EIF2B3: variants seen among roughly 807,000 people sequenced by gnomAD.
EIF2B3 encodes eukaryotic translation initiation factor 2B subunit gamma.
Under a neutral mutation model 54.1 loss-of-function variants are expected in EIF2B3, and 20 were observed. The observed-to-expected ratio is 0.37, with a 90% CI of 0.26 to 0.54. The LOEUF is 0.54. Ranked by LOEUF, EIF2B3 falls within the 20% of genes least tolerant of loss-of-function variation. The pLI is 0.86. For synonymous variants in EIF2B3, 153 were observed against 188.1 expected, an observed-to-expected ratio of 0.81 and a Z score of 1.52; for missense variants, 448 against 547.8, an observed-to-expected ratio of 0.82 and a Z score of 1.82.
chr1:44,916,375 C>T (rs1643622312), intron 5 of EIF2B3, among the ~76,000 whole-genome samples: 1 of 151,748 alleles, frequency 6.6e-6, no homozygotes, highest in Admixed American at 6.6e-5. Flanking sequence ...GGATACACCA[C>T]CATGCTTGGT....
intron 3 of EIF2B3, among the ~76,000 whole-genome samples, chr1:44,957,060 C>G (rs922300263): frequency 5.9e-5 from 9 of 151,930 alleles, no homozygotes; most frequent in African/African-American, 2.2e-4. Context: ...CTCATGAGTT[C>G]GAGACTAGCT....
chr1:44,935,761 A>G (rs2148937745), intron 4 of EIF2B3, among the ~76,000 whole-genome samples: 1 of 152,318 alleles, frequency 6.6e-6, no homozygotes, highest in East Asian at 1.9e-4. Flanking sequence ...TTGGCCTCCC[A>G]AACTGCTGGG....
chr1:44,899,993 T>C (rs1284908725), intron 5 of EIF2B3, among the ~76,000 whole-genome samples: 1 of 152,230 alleles, frequency 6.6e-6, no homozygotes, highest in Non-Finnish European at 1.5e-5. Context: ...CATGAAATAC[T>C]ATGCAGCTAT....
chr1:44,959,157 A>G, intron 3 of EIF2B3: 1 of 724,616 alleles, frequency 1.4e-6, no homozygotes, highest in Admixed American at 2.1e-5. Context: ...CTACGATTGC[A>G]CAGTCTGGTG....
chr1:44,955,404 T>C (rs368609918), intron 3 of EIF2B3, among the ~76,000 whole-genome samples: 1 of 151,968 alleles, frequency 6.6e-6, no homozygotes, highest in Admixed American at 6.6e-5. Flanking sequence ...CCCAAAACCA[T>C]AAAAACCCTA....
intron 10 of EIF2B3, among the ~76,000 whole-genome samples, chr1:44,868,669 A>C (rs892608951): frequency 1.6e-4 from 25 of 152,072 alleles, no homozygotes; most frequent in Non-Finnish European, 3.4e-4. Flanking sequence ...AAAGGTTGCT[A>C]ATTAGAGCAT....
At chr1:44,974,250 G>T (rs75826838) in intron 3 of EIF2B3, among the ~76,000 whole-genome samples, 6,212 of 151,700 alleles carry the variant, frequency 0.041, 173 homozygotes, top group Middle Eastern at 0.069. Context: ...AAGGTTGGGG[G>T]TATCACTTCT....
intron 3 of EIF2B3, among the ~76,000 whole-genome samples, chr1:44,973,542 A>G (rs1014609698): frequency 6.6e-6 from 1 of 152,176 alleles, no homozygotes; most frequent in African/African-American, 2.4e-5. Flanking sequence ...TACTAAAAAT[A>G]CAAAAACTAG....
intron 4 of EIF2B3, among the ~76,000 whole-genome samples, chr1:44,936,425 CA>C (rs35416105): frequency 0.42 from 56,049 of 133,360 alleles, 10,851 homozygotes; most frequent in Admixed American, 0.51. Context: ...ACTAAAAATA[CA>C]AAAAAAAAAA....
chr1:44,850,932 A>G lies in EIF2B3; in HGVS notation c.*19T>C. 6.2e-7 allele frequency: 1 copy of G among 1,613,978 alleles called. No individual in the cohort carries two copies. Among genetic ancestry groups the G allele is most frequent in the South Asian group, 1.1e-5 (1 of 91,070 alleles). ...GTGGCTTTGGAGGCCAAAAGGAAGG[A>G]GTCTGACTTGCTCAGAACTCAGATC... On this transcript the variant is annotated 3_prime_UTR_variant, in exon 12 of 12. Transcript: ENST00000360403.
chr1:44,865,498 GGTTTT>G (rs974666083), intron 10 of EIF2B3, among the ~76,000 whole-genome samples: 41 of 151,434 alleles, frequency 2.7e-4, no homozygotes, highest in African/African-American at 9.7e-4. Context: ...TTCCTTCTGT[GGTTTT>G]GTTTTTTCAA....
At chr1:44,953,255 GA>G (rs1557702295) in intron 3 of EIF2B3, among the ~76,000 whole-genome samples, 2 of 142,546 alleles carry the variant, frequency 1.4e-5, no homozygotes, top group African/African-American at 2.6e-5. Context: ...ATTTTTCATT[GA>G]AAAAAAAGAA....
intron 4 of EIF2B3, chr1:44,940,862 C>G (rs1644012482): frequency 6.6e-6 from 1 of 152,268 alleles, no homozygotes; most frequent in African/African-American, 2.4e-5. Flanking sequence ...ACCAGCCATA[C>G]TAAATTTGTG....
intron 3 of EIF2B3, among the ~76,000 whole-genome samples, chr1:44,954,965 A>C (rs1347723516): frequency 1.3e-5 from 2 of 152,182 alleles, no homozygotes; most frequent in African/African-American, 4.8e-5. Context: ...CTTTTTCTGC[A>C]TCTGTTAAGA....
intron 5 of EIF2B3, among the ~76,000 whole-genome samples, chr1:44,915,805 TA>T (rs1407698281): frequency 7.2e-5 from 11 of 152,224 alleles, no homozygotes; most frequent in African/African-American, 2.6e-4. Flanking sequence ...ATTTTACTGG[TA>T]TTTAACAAAA....
intron 3 of EIF2B3, among the ~76,000 whole-genome samples, chr1:44,948,814 C>G (rs569984432): frequency 4.9e-4 from 75 of 152,158 alleles, no homozygotes; most frequent in Admixed American, 1.4e-3. Context: ...CTTCTCTCCC[C>G]CAACTCCCCT....
chr1:44,854,626 T>C (rs1654383187), intron 11 of EIF2B3, among the ~76,000 whole-genome samples: 1 of 151,506 alleles, frequency 6.6e-6, no homozygotes, highest in Admixed American at 6.6e-5. Context: ...TCGCTCTTGT[T>C]GCCCAAGATG....
intron 4 of EIF2B3, among the ~76,000 whole-genome samples, chr1:44,931,093 A>C (rs985634030): frequency 1.3e-5 from 2 of 152,184 alleles, no homozygotes; most frequent in Non-Finnish European, 2.9e-5. Flanking sequence ...ATAAAATGTT[A>C]CTTCTATAAT....
At chr1:44,895,528 C>G (rs2201941) in intron 6 of EIF2B3, among the ~76,000 whole-genome samples, 3 of 149,192 alleles carry the variant, frequency 2.0e-5, no homozygotes, top group African/African-American at 7.4e-5. Flanking sequence ...CTCTCTCTCT[C>G]TATATATATA....
Sources: gnomAD v4.1 joint callset for allele counts (sites outside exome capture counted in the v4.1 genomes callset) on GRCh38, gnomAD v4.1.1 for gene constraint, MANE v1.5 for transcripts, NCBI Gene and HGNC (gene_info 2026-07-23, HGNC 2026-07-21) for gene names.